Variants in SLK observed in about 807,000 individuals in gnomAD.
The protein encoded by SLK is STE20 like kinase.
A neutral mutation model predicts 147.7 loss-of-function variants in SLK; 67 were observed. The observed-to-expected ratio is 0.45, with a 90% CI of 0.37 to 0.56. The LOEUF (loss-of-function observed/expected upper bound fraction) is 0.56. Among genes scored for constraint, SLK ranks in the 20% least tolerant of loss-of-function variants. The pLI, the probability that SLK is intolerant of heterozygous loss-of-function variation, is 0.00. For missense variants in SLK, 1,136 were observed against 1,438.8 expected, an observed-to-expected ratio of 0.79 and a Z score of 3.41; for synonymous variants, 441 against 475.0, an observed-to-expected ratio of 0.93 and a Z score of 0.93.
intron 13 of SLK, among the ~76,000 whole-genome samples, chr10:104,016,056 C>G (rs772550398): frequency 2.0e-5 from 3 of 152,140 alleles, no homozygotes; most frequent in Middle Eastern, 3.4e-3. Flanking sequence ...CGTTGGCTCA[C>G]GCTTGTAATC....
In SLK at chr10:103,967,654, A is replaced by G. The variant is rs1375026930; in HGVS notation, c.-92A>G. ...GAGGGACGCCGCGCCCGCCGCCGCCAGCCGGGCTCGCGCGGGAGAGCAGGG... is the reference window on the plus strand; with the variant it reads ...GAGGGACGCCGCGCCCGCCGCCGCCGGCCGGGCTCGCGCGGGAGAGCAGGG... On this transcript the variant is annotated 5_prime_UTR_variant, in exon 1 of 19. Transcript: ENST00000369755. 2 of 1,181,840 alleles carry G rather than the reference A, an allele frequency of 1.7e-6. No individual in the cohort carries two copies. Among genetic ancestry groups the G allele is most frequent in the Non-Finnish European group, 2.2e-6 (2 of 894,036 alleles). The allele number at this position is 1,181,840 out of a possible 1,614,324, so 73.2% of individuals were successfully genotyped here. A position where few individuals can be genotyped will look rare whatever the true frequency, so the allele number is the denominator to read the frequency against.
chr10:103,983,825 G>T (rs1048901959), intron 1 of SLK, among the ~76,000 whole-genome samples: 1 of 152,100 alleles, frequency 6.6e-6, no homozygotes, highest in Non-Finnish European at 1.5e-5. Flanking sequence ...AGTTTGGGTC[G>T]CAGTCTCACA....
chr10:104,003,288 G>A lies in SLK; in HGVS notation c.2110G>A (p.Glu704Lys). Residue 704 changes from glutamate (E) to lysine (K), a missense_variant, in exon 9 of 19, where the codon GAA (glutamate) becomes AAA (lysine). Glu to Lys is a moderately conservative substitution (Grantham distance 56). Transcript: ENST00000369755. ...PEVTVVSQPT[E>K]PQPVLIPSIN... ...AGTTACTGTAGTTTCACAGCCCACT[G>A]AACCTCAGCCTGTTCTAATACCCAG... 6.2e-7 allele frequency: 1 copy of A among 1,614,064 alleles called. No individual in the cohort carries two copies. Among genetic ancestry groups the A allele is most frequent in the Non-Finnish European group, 8.5e-7 (1 of 1,179,960 alleles).
At chr10:104,021,778 C>T (rs781567532) in intron 18 of SLK, 45 bp downstream of exon 18, 49 of 995,422 alleles carry the variant, frequency 4.9e-5, no homozygotes, top group South Asian at 1.5e-4. Flanking sequence ...TGTACTCGTC[C>T]GTCTACCCAG....
At chr10:104,003,786 G>A (rs1844287948) in intron 9 of SLK, among the ~76,000 whole-genome samples, 1 of 152,060 alleles carries the variant, frequency 6.6e-6, no homozygotes, top group Non-Finnish European at 1.5e-5. Context: ...GTGTGATTAG[G>A]TTCCTTTATT....
At position 104,025,844 on chromosome 10, in the gene SLK, CT is replaced by C. The variant is rs1419021754; in HGVS notation, c.*130del. ...CCTGCCTCACCTTCTAGGTGTTTTC[CT>C]TTTTTGTTTTTTTTGTTTTGTTTTG... On this transcript the variant is annotated 3_prime_UTR_variant, in exon 19 of 19. Transcript: ENST00000369755. The C allele has an allele frequency of 3.5e-6, 3 of 849,534 alleles. No individual in the cohort carries two copies. The highest frequency in any genetic ancestry group is 5.2e-6 in the Non-Finnish European group (3 of 575,488). The allele number at this position is 849,534 out of a possible 1,614,324, so 52.6% of individuals were successfully genotyped here.
chr10:103,983,365 A>G (rs1843970877), intron 1 of SLK, among the ~76,000 whole-genome samples: 1 of 152,106 alleles, frequency 6.6e-6, no homozygotes, highest in South Asian at 2.1e-4. Flanking sequence ...AACTTTGGAT[A>G]TTTATTACCC....
At chr10:104,024,037 G>A (rs188384885) in intron 18 of SLK, among the ~76,000 whole-genome samples, 4 of 151,872 alleles carry the variant, frequency 2.6e-5, no homozygotes, top group Admixed American at 2.0e-4. Context: ...TCACGTTTCC[G>A]CGCTCACTGC....
intron 11 of SLK, among the ~76,000 whole-genome samples, chr10:104,006,378 C>G (rs866225617): frequency 2.6e-5 from 4 of 152,194 alleles, no homozygotes; most frequent in South Asian, 4.1e-4. Context: ...TTCGATCTTT[C>G]AGATTTGGAA....
intron 1 of SLK, among the ~76,000 whole-genome samples, chr10:103,969,063 G>A (rs1843758675): frequency 6.6e-6 from 1 of 152,148 alleles, no homozygotes. Context: ...CCCCCTCCCG[G>A]GTTCAAGCGA....
At chr10:104,005,273 G>A (rs1325106835) in intron 9 of SLK, among the ~76,000 whole-genome samples, 1 of 152,128 alleles carries the variant, frequency 6.6e-6, no homozygotes, top group Admixed American at 6.5e-5. Context: ...CATCACTTAT[G>A]CCTAATTATA....
intron 1 of SLK, among the ~76,000 whole-genome samples, chr10:103,985,993 G>T (rs888109271): frequency 1.3e-5 from 2 of 152,156 alleles, no homozygotes; most frequent in African/African-American, 4.8e-5. Context: ...AGGTGATCAT[G>T]ACTGATATTT....
intron 1 of SLK, among the ~76,000 whole-genome samples, chr10:103,989,759 C>T (rs570674651): frequency 9.8e-5 from 15 of 152,288 alleles, no homozygotes; most frequent in African/African-American, 3.1e-4. Flanking sequence ...TGAGCCACCG[C>T]GCCCGGCCAA....
intron 4 of SLK, 122 bp downstream of exon 4, chr10:103,993,255 G>A (rs1467047664): frequency 6.6e-6 from 4 of 607,664 alleles, no homozygotes; most frequent in South Asian, 4.1e-5. Flanking sequence ...CTAACTCCAT[G>A]CTGGTTTTTA....
chr10:103,981,381 C>T (rs1209642734), intron 1 of SLK, among the ~76,000 whole-genome samples: 1 of 151,956 alleles, frequency 6.6e-6, no homozygotes, highest in Non-Finnish European at 1.5e-5. Flanking sequence ...TCTTTTGTTG[C>T]CTGTGCTTTA....
At chr10:103,969,199 C>T (rs989114819) in intron 1 of SLK, among the ~76,000 whole-genome samples, 1 of 152,104 alleles carries the variant, frequency 6.6e-6, no homozygotes, top group African/African-American at 2.4e-5. Flanking sequence ...GAACTCCCGA[C>T]CTCAGGTGAT....
chr10:103,989,464 C>CTGTTTTTTTTTT (rs1844060517), intron 1 of SLK, among the ~76,000 whole-genome samples: 1 of 78,618 alleles, frequency 1.3e-5, no homozygotes, highest in Non-Finnish European at 2.3e-5. Context: ...GTGGCAGTTT[C>CTGTTTTTTTTTT]TTTTTTTTTT....
At position 103,979,578 on chromosome 10, in the gene SLK, T is replaced by C. The variant is rs542602939; in HGVS notation, c.151-11097T>C. Among the ~76,000 whole-genome samples, 10 of 152,336 alleles carry C rather than the reference T, an allele frequency of 6.6e-5. No individual in the cohort carries two copies. The South Asian group carries it at 1.9e-3, about 28-fold the overall frequency. ...ATCTTTTTTCTGGCCTGCTTTTTTTTGGTCTGTGCCCTGATGGATGTGAAG... is the reference window on the plus strand; with the variant it reads ...ATCTTTTTTCTGGCCTGCTTTTTTTCGGTCTGTGCCCTGATGGATGTGAAG... On this transcript the variant is annotated intron_variant, in intron 1 of 18. Transcript: ENST00000369755.
intron 17 of SLK, 40 bp from the exon 18 acceptor site, chr10:104,021,580 G>C: frequency 1.8e-6 from 2 of 1,133,296 alleles, no homozygotes; most frequent in Non-Finnish European, 2.6e-6. Context: ...AAATTGCTTA[G>C]TTGATCTGAA....
Sources: allele counts gnomAD v4.1 joint callset (sites outside exome capture counted in the v4.1 genomes callset), GRCh38; gene constraint gnomAD v4.1.1; transcripts MANE v1.5; gene names NCBI Gene and HGNC (gene_info 2026-07-23, HGNC 2026-07-21).